ELAVL2: variants seen among roughly 807,000 people sequenced by gnomAD.
ELAVL2 encodes the protein ELAV-like protein 2.
Under a neutral mutation model 34.6 loss-of-function variants are expected in ELAVL2, and 4 were observed. That is an observed-to-expected ratio of 0.12 (90% CI 0.06 to 0.26). ELAVL2 has a LOEUF of 0.26. ELAVL2 is among the 10% of genes least tolerant of loss of function. ELAVL2 has a pLI of 1.00. For missense variants in ELAVL2, 432 were observed against 442.8 expected (o/e 0.98, Z 0.22); for synonymous variants, 193 against 154.8 (o/e 1.25, Z -1.83).
At chr9:23,763,916 G>T (rs976523901) in intron 1 of ELAVL2, among the ~76,000 whole-genome samples, 1 of 152,044 alleles carries the variant, frequency 6.6e-6, no homozygotes, top group African/African-American at 2.4e-5. Flanking sequence ...GTTTTCTCAG[G>T]GAATACTTAA....
rs762876969 is a variant in ELAVL2, at chr9:23,692,834, A to C, written c.803T>G (p.Ile268Ser). Residue 268 changes from isoleucine (I) to serine (S), a missense_variant, in exon 7 of 7, where the codon ATC becomes AGC. Ile to Ser is a moderately radical substitution (Grantham distance 142, BLOSUM62 -2). Coordinates refer to ENST00000397312, the MANE Select transcript of ELAVL2 (RefSeq NM_004432.5). Reference protein sequence around the residue: ...DGMTSLAGINIPGHPGTGWCI... With the variant: ...DGMTSLAGINSPGHPGTGWCI... ...CCACCCTGTTCCAGGGTGCCCAGGG[A>C]TATTAATTCCAGCCAAACTGGTCAT... 1 of 1,614,126 alleles carries C rather than the reference A, an allele frequency of 6.2e-7. No individual in the cohort carries two copies. Among genetic ancestry groups the C allele is most frequent in the Non-Finnish European group, 8.5e-7 (1 of 1,179,992 alleles).
chr9:23,709,169 C>T (rs576789067), intron 3 of ELAVL2, among the ~76,000 whole-genome samples: 5 of 152,170 alleles, frequency 3.3e-5, no homozygotes, highest in African/African-American at 9.7e-5. Context: ...CTACCCCTAT[C>T]CCTTTATTTA....
intron 2 of ELAVL2, among the ~76,000 whole-genome samples, chr9:23,753,230 C>T (rs557287694): frequency 6.6e-6 from 1 of 152,236 alleles, no homozygotes; most frequent in South Asian, 2.1e-4. Context: ...GTTTCCACAG[C>T]TCTCAACGTT....
the ELAVL2 span, among the ~76,000 whole-genome samples, chr9:23,841,272 T>C: frequency 1.3e-5 from 2 of 152,124 alleles, no homozygotes; most frequent in Non-Finnish European, 2.9e-5. Flanking sequence ...CCACCATTTG[T>C]GCCTAGGGCA....
At chr9:23,779,359 A>C (rs1052532872) in intron 1 of ELAVL2, 11 of 985,342 alleles carry the variant, frequency 1.1e-5, no homozygotes, top group Non-Finnish European at 1.3e-5. Flanking sequence ...AAGTCTTCAA[A>C]GGCAAGGGAA....
intron 1 of ELAVL2, chr9:23,821,662 C>A: frequency 6.5e-6 from 1 of 152,750 alleles, no homozygotes; most frequent in South Asian, 1.9e-4. Flanking sequence ...TCAGCACTGC[C>A]GCGGAGGAGT....
intron 1 of ELAVL2, among the ~76,000 whole-genome samples, chr9:23,793,195 G>A (rs1484613532): frequency 6.6e-6 from 1 of 152,092 alleles, no homozygotes; most frequent in East Asian, 1.9e-4. Flanking sequence ...CAATCACAAG[G>A]GGCTTGTTAT....
At chr9:23,702,865 C>T (rs1028483676) in intron 4 of ELAVL2, among the ~76,000 whole-genome samples, 1 of 139,366 alleles carries the variant, frequency 7.2e-6, no homozygotes, top group African/African-American at 2.7e-5. Flanking sequence ...GAAATGATAG[C>T]AAATCCTTTC....
chr9:23,691,100 C>T lies in ELAVL2; in HGVS notation c.*1457G>A, dbSNP rs2033023776. On this transcript the variant is annotated 3_prime_UTR_variant, in exon 7 of 7. Coordinates refer to ENST00000397312, the MANE Select transcript of ELAVL2 (RefSeq NM_004432.5). ...CAGCTGAAGCTAGACTATCTACAGA[C>T]AAAATTTGCAACAAATCTGATGCAC... 3 of 152,472 alleles carry T rather than the reference C, an allele frequency of 2.0e-5. No homozygotes were observed. The South Asian group carries it at 6.2e-4, about 32-fold the overall frequency. 9.4% of individuals were successfully genotyped at this position (152,472 alleles called of 1,614,324 possible).
chr9:23,838,187 G>T, the ELAVL2 span, among the ~76,000 whole-genome samples: 2 of 151,978 alleles, frequency 1.3e-5, no homozygotes, highest in African/African-American at 4.8e-5. Flanking sequence ...GAGGTAATGG[G>T]AGTTGGATTT....
chr9:23,786,096 T>C (rs918587366), intron 1 of ELAVL2, among the ~76,000 whole-genome samples: 2 of 152,186 alleles, frequency 1.3e-5, no homozygotes, highest in Non-Finnish European at 2.9e-5. Flanking sequence ...GAAACATTTG[T>C]GATAAATGCA....
intron 2 of ELAVL2, among the ~76,000 whole-genome samples, chr9:23,753,695 A>G (rs2052743323): frequency 1.3e-5 from 2 of 152,100 alleles, no homozygotes; most frequent in Admixed American, 1.3e-4. Flanking sequence ...ATTTTCCATC[A>G]TTCCTACGAC....
the ELAVL2 span, among the ~76,000 whole-genome samples, chr9:23,843,468 G>A: frequency 2.0e-3 from 297 of 152,132 alleles, 4 homozygotes; most frequent in African/African-American, 6.7e-3. Context: ...AACAAATTTT[G>A]TTCTGATCAC....
chr9:23,722,506 G>C (rs1265274076), intron 3 of ELAVL2, among the ~76,000 whole-genome samples: 3 of 152,176 alleles, frequency 2.0e-5, no homozygotes, highest in Non-Finnish European at 4.4e-5. Context: ...GGCAAAGACA[G>C]CTCCACTCTC....
chr9:23,792,436 T>C (rs1418934533), intron 1 of ELAVL2, among the ~76,000 whole-genome samples: 1 of 152,122 alleles, frequency 6.6e-6, no homozygotes, highest in Non-Finnish European at 1.5e-5. Context: ...CTAAAATGAG[T>C]GTCTACCAAT....
At chr9:23,722,974 A>G (rs2044121262) in intron 3 of ELAVL2, among the ~76,000 whole-genome samples, 1 of 152,182 alleles carries the variant, frequency 6.6e-6, no homozygotes, top group Non-Finnish European at 1.5e-5. Context: ...CACTTTTCCC[A>G]GGTGATAAAT....
chr9:23,801,915 ATGG>A (rs1246204669), intron 1 of ELAVL2, among the ~76,000 whole-genome samples: 1 of 152,108 alleles, frequency 6.6e-6, no homozygotes, highest in African/African-American at 2.4e-5. Flanking sequence ...CTGATTGACA[ATGG>A]TGGTTTTAGA....
chr9:23,711,571 C>A (rs891429519), intron 3 of ELAVL2, among the ~76,000 whole-genome samples: 1 of 152,182 alleles, frequency 6.6e-6, no homozygotes, highest in African/African-American at 2.4e-5. Context: ...TCCTTCCAAT[C>A]AGCTAAATTT....
intron 1 of ELAVL2, chr9:23,765,209 C>G (rs2055959500): frequency 1.1e-6 from 1 of 939,948 alleles, no homozygotes; most frequent in Non-Finnish European, 1.6e-6. Flanking sequence ...CACGTCCATG[C>G]AGTGTGGCTT....
Sources: allele counts gnomAD v4.1 joint callset (sites outside exome capture counted in the v4.1 genomes callset), GRCh38; gene constraint gnomAD v4.1.1; transcripts MANE v1.5; gene names NCBI Gene and HGNC (gene_info 2026-07-23, HGNC 2026-07-21).